Variants in ATP2C1 observed in about 807,000 individuals in gnomAD.
ATP2C1 encodes calcium-transporting ATPase type 2C member 1.
Under a neutral mutation model 120.5 loss-of-function variants are expected in ATP2C1, and 31 were observed. That is an observed-to-expected ratio of 0.26 (90% CI 0.19 to 0.35). The LOEUF (loss-of-function observed/expected upper bound fraction) is 0.35. Ranked by LOEUF, ATP2C1 falls within the 10% of genes least tolerant of loss-of-function variation. The probability of loss-of-function intolerance (pLI) is 1.00; values close to 1 mark genes in which losing one functional copy is unlikely to be tolerated. For synonymous variants in ATP2C1, 351 were observed against 358.7 expected, an observed-to-expected ratio of 0.98 and a Z score of 0.24; for missense variants, 731 against 1,107.5, an observed-to-expected ratio of 0.66 and a Z score of 4.83.
At chr3:130,885,888 G>A (rs1309640549) in intron 1 of ATP2C1, among the ~76,000 whole-genome samples, 1 of 152,110 alleles carries the variant, frequency 6.6e-6, no homozygotes, top group Non-Finnish European at 1.5e-5. Flanking sequence ...GGGGGTACAC[G>A]TGAAGGTTTG....
chr3:130,864,220 T>A (rs141052881), intron 1 of ATP2C1, among the ~76,000 whole-genome samples: 6,970 of 152,246 alleles, frequency 0.046, 221 homozygotes, highest in South Asian at 0.089. Flanking sequence ...CTTGTTATGT[T>A]TTAGCAAAGA....
chr3:130,861,984 T>G (rs192101661), intron 1 of ATP2C1, among the ~76,000 whole-genome samples: 2 of 151,946 alleles, frequency 1.3e-5, no homozygotes, highest in African/African-American at 4.8e-5. Flanking sequence ...ATTAAAAAAA[T>G]TTTTTTTGAG....
Position 130,932,104 on chromosome 3 carries a change from A to C in ATP2C1, c.200A>C (p.Glu67Ala). ...FHGWNEFDIS[E>A]DEPLWKKYIS... ...GGCTGGAATGAGTTTGATATTAGTG[A>C]AGATGAGCCACTGTGGAAGAAGTAT... The change falls in exon 4 of 28, where the codon GAA becomes GCA. Residue 67 changes from glutamate to alanine, a missense_variant. Transcript: ENST00000510168. The C allele has an allele frequency of 6.2e-7, 1 of 1,611,058 alleles. No individual in the cohort carries two copies. Among genetic ancestry groups the C allele is most frequent in the Non-Finnish European group, 8.5e-7 (1 of 1,177,294 alleles).
At chr3:131,006,707 G>A (rs2063131744), downstream of ATP2C1, among the ~76,000 whole-genome samples, 1 of 150,224 alleles carries the variant, frequency 6.7e-6, no homozygotes, top group African/African-American at 2.5e-5. Context: ...TTTTTTGGCA[G>A]GGTGTTGCTC....
chr3:130,937,495 G>A (rs1340284602), intron 6 of ATP2C1, 32 bp downstream of exon 6: 3 of 1,591,920 alleles, frequency 1.9e-6, no homozygotes, highest in Non-Finnish European at 2.6e-6. Context: ...CATGAAAATG[G>A]TATGTTAATT....
At chr3:130,974,550 A>G (rs375990317) in intron 17 of ATP2C1, among the ~76,000 whole-genome samples, 6 of 152,324 alleles carry the variant, frequency 3.9e-5, no homozygotes, top group African/African-American at 1.2e-4. Flanking sequence ...GAGAACTGGG[A>G]TATTTGTGAA....
Position 130,932,062 on chromosome 3 carries a change from A to G in ATP2C1, c.158A>G (p.His53Arg). Reference protein sequence around the residue: ...QNGLNKCEVSHRRAFHGWNEF... With the variant: ...QNGLNKCEVSRRRAFHGWNEF... ...GGTCTAAACAAATGTGAAGTTAGTC[A>G]TAGGCGAGCCTTTCATGGCTGGAAT... is the stretch of plus-strand genomic sequence containing the variant. The change falls in exon 4 of 28, where the codon CAT becomes CGT. Residue 53 changes from histidine to arginine, a missense_variant. Coordinates refer to ENST00000510168, the MANE Select transcript of ATP2C1 (RefSeq NM_001378687.1). The G allele has an allele frequency of 6.2e-7, 1 of 1,613,090 alleles. No homozygotes were observed. Among genetic ancestry groups the G allele is most frequent in the Non-Finnish European group, 8.5e-7 (1 of 1,179,146 alleles).
At chr3:130,878,416 A>G (rs1170383850) in intron 1 of ATP2C1, among the ~76,000 whole-genome samples, 1 of 152,122 alleles carries the variant, frequency 6.6e-6, no homozygotes, top group Admixed American at 6.5e-5. Context: ...TTTGCAGTTT[A>G]ATGATTTTCT....
At chr3:130,927,386 G>A (rs574100097) in intron 2 of ATP2C1, among the ~76,000 whole-genome samples, 2 of 151,966 alleles carry the variant, frequency 1.3e-5, no homozygotes, top group East Asian at 3.9e-4. Context: ...GACTACCGGC[G>A]CCTGCCACCA....
upstream of ATP2C1, among the ~76,000 whole-genome samples, chr3:130,891,306 A>G: frequency 6.6e-6 from 1 of 152,214 alleles, no homozygotes; most frequent in East Asian, 1.9e-4. Flanking sequence ...CAGGTTTATA[A>G]AAATGCAGCT....
intron 10 of ATP2C1, among the ~76,000 whole-genome samples, chr3:130,955,379 A>G (rs1217567142): frequency 6.6e-6 from 1 of 152,198 alleles, no homozygotes; most frequent in Non-Finnish European, 1.5e-5. Flanking sequence ...AATTTTAAGG[A>G]TTAGTAATTA....
intron 2 of ATP2C1, among the ~76,000 whole-genome samples, chr3:130,912,140 A>G (rs2058450724): frequency 8.5e-6 from 1 of 117,462 alleles, no homozygotes; most frequent in Non-Finnish European, 1.7e-5. Flanking sequence ...ACCTAAAACC[A>G]TAAAAACCCT....
At chr3:131,015,865 T>C in intron 26 of ATP2C1, 1 of 505,858 alleles carries the variant, frequency 2.0e-6, no homozygotes, top group Non-Finnish European at 3.6e-6. Context: ...AATGATTGCC[T>C]CCCCTCTCCC....
intron 18 of ATP2C1, among the ~76,000 whole-genome samples, chr3:130,976,955 C>A (rs1052468107): frequency 1.3e-5 from 2 of 152,152 alleles, no homozygotes; most frequent in Admixed American, 6.6e-5. Context: ...GTTGGCAGAC[C>A]AAACTGTTTG....
chr3:130,895,361 A>G (rs2069519936), intron 2 of ATP2C1, among the ~76,000 whole-genome samples: 1 of 152,188 alleles, frequency 6.6e-6, no homozygotes, highest in Admixed American at 6.5e-5. Context: ...TGACAGCGGA[A>G]CCTGTTTGTT....
chr3:130,931,369 T>G (rs551430501), intron 3 of ATP2C1, among the ~76,000 whole-genome samples: 1 of 152,156 alleles, frequency 6.6e-6, no homozygotes, highest in Non-Finnish European at 1.5e-5. Flanking sequence ...CAAGAAGAAG[T>G]TCATCTGAAC....
chr3:130,885,104 T>C (rs980729496), intron 1 of ATP2C1, among the ~76,000 whole-genome samples: 1 of 152,090 alleles, frequency 6.6e-6, no homozygotes, highest in African/African-American at 2.4e-5. Context: ...CAGCTAATTT[T>C]TGTATTTTTA....
At position 130,932,144 on chromosome 3, in the gene ATP2C1, A is replaced by G. The variant is rs760265639; in HGVS notation, c.234+6A>G. 12 of 1,511,710 alleles carry G rather than the reference A, an allele frequency of 7.9e-6. No individual in the cohort carries two copies. Among genetic ancestry groups the G allele is most frequent in the Admixed American group, 3.3e-5 (2 of 59,872 alleles). 93.6% of individuals were successfully genotyped at this position (1,511,710 alleles called of 1,614,324 possible). On this transcript the variant is annotated splice_donor_region_variant and intron_variant, in intron 4 of 27. Transcript: ENST00000510168. Reference sequence around the variant, plus strand: ...GGAAGAAGTATATTTCTCAGGTGAGATACTTTTACTTCCTCTTCTACTGTG... The same window carrying G: ...GGAAGAAGTATATTTCTCAGGTGAGGTACTTTTACTTCCTCTTCTACTGTG...
chr3:130,896,371 G>C (rs1215251882), intron 2 of ATP2C1, among the ~76,000 whole-genome samples: 4 of 152,052 alleles, frequency 2.6e-5, no homozygotes, highest in Admixed American at 2.6e-4. Flanking sequence ...TGAATTTTGT[G>C]GTTTCATAGT....
Sources: allele counts gnomAD v4.1 joint callset (sites outside exome capture counted in the v4.1 genomes callset), GRCh38; gene constraint gnomAD v4.1.1; transcripts MANE v1.5; gene names NCBI Gene and HGNC (gene_info 2026-07-23, HGNC 2026-07-21).